EHMT1: variants seen among roughly 807,000 people sequenced by gnomAD.
EHMT1 encodes the protein euchromatic histone lysine methyltransferase 1, also known as histone-lysine N-methyltransferase EHMT1.
EHMT1 carries 15 observed loss-of-function variants against 147.2 expected under a neutral mutation model. The ratio of observed to expected loss-of-function variants is 0.10; its 90% CI spans 0.07 to 0.16. The LOEUF is 0.16. Among genes scored for constraint, EHMT1 ranks in the 10% least tolerant of loss-of-function variants. EHMT1 has a pLI of 1.00. For synonymous variants in EHMT1, 795 were observed against 709.6 expected, an observed-to-expected ratio of 1.12 and a Z score of -1.91; for missense variants, 1,587 against 1,772.4, an observed-to-expected ratio of 0.90 and a Z score of 1.88.
rs759729046 is a variant in EHMT1, at chr9:137,778,066, A to T, written c.2192+11A>T. 2 of 1,613,700 alleles carry T rather than the reference A, an allele frequency of 1.2e-6. No individual in the cohort carries two copies. The highest frequency in any genetic ancestry group is 4.5e-5 in the East Asian group (2 of 44,872). ...CCTCGACTCGGAAAAGTAAGACCTG[A>T]CATGTGATTTCAGAGATGTCTCAGA... On this transcript the variant is annotated intron_variant, in intron 13 of 26. Coordinates refer to ENST00000460843, the MANE Select transcript of EHMT1 (RefSeq NM_024757.5).
chr9:137,753,294 C>T (rs1367679660), intron 7 of EHMT1, among the ~76,000 whole-genome samples: 1 of 152,072 alleles, frequency 6.6e-6, no homozygotes, highest in Admixed American at 6.5e-5. Context: ...GAGGAGGACA[C>T]GGGGGCCGTG....
intron 10 of EHMT1, among the ~76,000 whole-genome samples, chr9:137,774,504 C>T (rs1469001205): frequency 1.9e-5 from 2 of 103,460 alleles, no homozygotes; most frequent in East Asian, 3.0e-4. Flanking sequence ...TATGGTCGCG[C>T]CTGGCCCCCT....
chr9:137,714,505 A>G (rs897713801), intron 2 of EHMT1, among the ~76,000 whole-genome samples: 1 of 144,458 alleles, frequency 6.9e-6, no homozygotes, highest in Non-Finnish European at 1.5e-5. Flanking sequence ...AATCCTCCTC[A>G]CCAATTTTGT....
At chr9:137,805,187 G>GTCCACGTGTGAGTCA (rs1953841734) in intron 18 of EHMT1, among the ~76,000 whole-genome samples, 2 of 151,290 alleles carry the variant, frequency 1.3e-5, no homozygotes, top group African/African-American at 4.9e-5. Flanking sequence ...CGTGTGAGTC[G>GTCCACGTGTGAGTCA]TCCACGTGTG....
intron 1 of EHMT1, among the ~76,000 whole-genome samples, chr9:137,684,473 C>T (rs1184701220): frequency 6.6e-6 from 1 of 151,988 alleles, no homozygotes; most frequent in Non-Finnish European, 1.5e-5. Flanking sequence ...CCTACAAAGC[C>T]ATTATTTTTT....
At chr9:137,743,074 A>C in intron 4 of EHMT1, 1 of 398,772 alleles carries the variant, frequency 2.5e-6, no homozygotes. Context: ...CCTGCTACTG[A>C]TGATTTGTGG....
At chr9:137,803,430 C>T (rs969393622) in intron 18 of EHMT1, 35 of 461,330 alleles carry the variant, frequency 7.6e-5, no homozygotes, top group African/African-American at 3.6e-4. Context: ...CTGCGTGTCT[C>T]GGTTTTATAG....
intron 2 of EHMT1, among the ~76,000 whole-genome samples, chr9:137,711,668 C>A (rs1022997513): frequency 6.6e-6 from 1 of 152,078 alleles, no homozygotes; most frequent in African/African-American, 2.4e-5. Context: ...GGCTGCACCC[C>A]TCTGTAAGGC....
intron 19 of EHMT1, among the ~76,000 whole-genome samples, chr9:137,812,500 C>T (rs76478977): frequency 6.6e-6 from 1 of 152,320 alleles, no homozygotes; most frequent in African/African-American, 2.4e-5. Flanking sequence ...GACTCCCTGG[C>T]CCCTACACAT....
intron 15 of EHMT1, among the ~76,000 whole-genome samples, chr9:137,783,790 C>T (rs1951747912): frequency 1.3e-5 from 2 of 152,268 alleles, no homozygotes; most frequent in Non-Finnish European, 2.9e-5. Flanking sequence ...CGCTGTCCAG[C>T]TGCCTCAGTC....
At chr9:137,781,115 A>ACG (rs1951459110) in intron 14 of EHMT1, among the ~76,000 whole-genome samples, 1 of 21,776 alleles carries the variant, frequency 4.6e-5, no homozygotes, top group African/African-American at 4.9e-4. Flanking sequence ...TGACGCTGAG[A>ACG]TGTGTGGTGA....
chr9:137,728,634 G>A, intron 4 of EHMT1, 105 bp downstream of exon 4: 1 of 1,497,668 alleles, frequency 6.7e-7, no homozygotes, highest in Non-Finnish European at 9.2e-7. Context: ...TGCTGCTCTT[G>A]ATGAATGACT....
chr9:137,706,907 C>T (rs1280008051), intron 1 of EHMT1, among the ~76,000 whole-genome samples: 2 of 152,032 alleles, frequency 1.3e-5, no homozygotes, highest in Non-Finnish European at 2.9e-5. Flanking sequence ...CTGCAACCTC[C>T]GCCCCCGCCC....
At chr9:137,823,690 C>T (rs984248327) in intron 25 of EHMT1, among the ~76,000 whole-genome samples, 12 of 152,264 alleles carry the variant, frequency 7.9e-5, no homozygotes, top group African/African-American at 2.2e-4. Flanking sequence ...GGATTACAGG[C>T]GTGAGCCACC....
chr9:137,644,875 T>C (rs747422455), intron 1 of EHMT1, among the ~76,000 whole-genome samples: 27 of 151,940 alleles, frequency 1.8e-4, no homozygotes, highest in Non-Finnish European at 3.4e-4. Flanking sequence ...TTTATTTATT[T>C]ATTATTATTT....
At chr9:137,762,132 C>T (rs915427085) in intron 9 of EHMT1, among the ~76,000 whole-genome samples, 2 of 152,244 alleles carry the variant, frequency 1.3e-5, no homozygotes, top group African/African-American at 4.8e-5. Context: ...TAATTCTCCT[C>T]TAGTTTATCT....
At chr9:137,815,879 G>A in intron 22 of EHMT1, 68 bp from the exon 23 acceptor site, 1 of 1,323,676 alleles carries the variant, frequency 7.6e-7, no homozygotes, top group Non-Finnish European at 1.1e-6. Flanking sequence ...TAGTAGAAAT[G>A]GGTTGATGTC....
At position 137,813,574 on chromosome 9, in the gene EHMT1, G is replaced by C; in HGVS notation, c.3180+44G>C. ...AGGGCTGACTCAGGCCAGGACATGGGACAGGCAGAAGCTTCTTGAGCCTGG... is the reference window on the plus strand; with the variant it reads ...AGGGCTGACTCAGGCCAGGACATGGCACAGGCAGAAGCTTCTTGAGCCTGG... On this transcript the variant is annotated intron_variant, in intron 21 of 26. Transcript: ENST00000460843. The surrounding 1 kb of genome is among the most constrained non-coding windows in gnomAD (Gnocchi z 4.9). 6.2e-7 allele frequency: 1 copy of C among 1,611,468 alleles called. No individual in the cohort carries two copies. Among genetic ancestry groups the C allele is most frequent in the Non-Finnish European group, 8.5e-7 (1 of 1,179,590 alleles).
At chr9:137,694,828 G>C (rs144051056) in intron 1 of EHMT1, among the ~76,000 whole-genome samples, 4 of 152,332 alleles carry the variant, frequency 2.6e-5, no homozygotes, top group African/African-American at 9.6e-5. Context: ...AGCTCGGCAG[G>C]CCCAGGAATT....
Sources: allele counts gnomAD v4.1 joint callset (sites outside exome capture counted in the v4.1 genomes callset), GRCh38; gene constraint gnomAD v4.1.1; non-coding constraint Gnocchi (gnomAD v3.1); transcripts MANE v1.5; gene names NCBI Gene and HGNC (gene_info 2026-07-23, HGNC 2026-07-21).